Variants in PROSER1 observed in about 807,000 individuals in gnomAD.
The protein encoded by PROSER1 is proline and serine-rich protein 1.
Under a neutral mutation model 71.8 loss-of-function variants are expected in PROSER1, and 36 were observed. The ratio of observed to expected loss-of-function variants is 0.50; its 90% confidence interval spans 0.38 to 0.66. The LOEUF is 0.66. Among genes scored for constraint, PROSER1 ranks in the 30% least tolerant of loss-of-function variants. The pLI, the probability that PROSER1 is intolerant of heterozygous loss-of-function variation, is 0.00. For synonymous variants in PROSER1, 490 were observed against 452.4 expected (o/e 1.08, Z -1.06); for missense variants, 1,107 against 1,135.0 (o/e 0.98, Z 0.35).
chr13:39,031,599 G>C lies in PROSER1; in HGVS notation c.144C>G (p.Ala48=), dbSNP rs377602501. 1.2e-6 allele frequency: 2 copies of C among 1,612,762 alleles called. No individual in the cohort carries two copies. Among genetic ancestry groups the C allele is most frequent in the African/African-American group, 1.3e-5 (1 of 74,768 alleles). The part of the protein sequence containing the change: ...VVDLLRYFSW[A]EPQLKAMKAL... ...CTTTCATTGCCTTCAACTGGGGCTC[G>C]GCCCAGGAAAAATATCTCAGCAAAT... Residue 48 remains alanine (A), a synonymous_variant, in exon 3 of 13, where the codon GCC becomes GCG. Transcript: ENST00000352251.
chr13:39,011,680 G>A (rs1869666949), intron 12 of PROSER1, among the ~76,000 whole-genome samples, 193 bp from the exon 13 acceptor site: 1 of 152,158 alleles, frequency 6.6e-6, no homozygotes, highest in African/African-American at 2.4e-5. Context: ...TGAAGGAGAT[G>A]CATAGAACTG....
rs1300241266 is a variant in PROSER1 at position 39,010,485 on chromosome 13, T to A, written c.*880A>T. On this transcript the variant is annotated 3_prime_UTR_variant, in exon 13 of 13. Coordinates refer to ENST00000352251, the MANE Select transcript of PROSER1 (RefSeq NM_025138.5). ...ACTGCATAATTACTAACAGAGCCAG[T>A]CTTCTCTATTTGTTGTCACATATTT... 1 of 152,644 alleles carries A rather than the reference T, an allele frequency of 6.6e-6. No homozygotes were observed. Among genetic ancestry groups the A allele is most frequent in the Non-Finnish European group, 1.5e-5 (1 of 68,036 alleles). The allele number at this position is 152,644 out of a possible 1,614,324, so 9.5% of individuals were successfully genotyped here.
chr13:39,014,535 G>T, intron 10 of PROSER1, 59 bp from the exon 11 acceptor site: 1 of 1,247,134 alleles, frequency 8.0e-7, no homozygotes. Context: ...GTCAAATTTT[G>T]AATTAAAAAG....
At chr13:39,015,421 C>A (rs1312131610) in intron 10 of PROSER1, among the ~76,000 whole-genome samples, 1 of 152,172 alleles carries the variant, frequency 6.6e-6, no homozygotes, top group Non-Finnish European at 1.5e-5. Flanking sequence ...GTACTCACAT[C>A]AAATTCTGTT....
chr13:39,013,009 A>G lies in PROSER1; in HGVS notation c.2243T>C (p.Leu748Pro), dbSNP rs1333692834. Residue 748 changes from leucine (L) to proline (P), a missense_variant, in exon 11 of 13, where the codon CTC becomes CCC. Coordinates refer to ENST00000352251, the MANE Select transcript of PROSER1 (RefSeq NM_025138.5). ...TGGTGCTGAAGCAGAAAGCCCTGAG[A>G]GAACAGCTGCCGTTGAGCTAGGATG... is the stretch of plus-strand genomic sequence containing the variant. ...LPHPSSTAAV[L>P]SGLSASAPVS... is the part of the protein sequence containing the mutation. 1 of 1,614,140 alleles carries G rather than the reference A, an allele frequency of 6.2e-7. No homozygotes were observed. Among genetic ancestry groups the G allele is most frequent in the Non-Finnish European group, 8.5e-7 (1 of 1,179,992 alleles).
chr13:39,024,286 C>T (rs1326405), intron 7 of PROSER1, among the ~76,000 whole-genome samples, 187 bp downstream of exon 7: 26,092 of 152,052 alleles, frequency 0.17, 2,994 homozygotes, highest in African/African-American at 0.33. Context: ...ATAAAAAGCT[C>T]AATCTCAAAG....
At position 39,013,185 on chromosome 13, in the gene PROSER1, G is replaced by T. The variant is rs774206235; in HGVS notation, c.2067C>A (p.Pro689=). 2.5e-6 allele frequency: 4 copies of T among 1,613,940 alleles called. No individual in the cohort carries two copies. Among genetic ancestry groups the T allele is most frequent in the Middle Eastern group, 1.6e-4 (1 of 6,084 alleles). The change falls in exon 11 of 13, where the codon CCC becomes CCA. Residue 689 remains proline (P), a synonymous_variant. Transcript: ENST00000352251. ...GAAGAGCAGTGAATACTGGTGCAAT[G>T]GGAGTGGAGGAACCATGTGGTGGAA... is the stretch of plus-strand genomic sequence containing the variant. ...ISLPPHGSST[P]IAPVFTALPS...
At chr13:39,019,046 A>G (rs1265762376) in intron 9 of PROSER1, among the ~76,000 whole-genome samples, 1 of 152,200 alleles carries the variant, frequency 6.6e-6, no homozygotes, top group Non-Finnish European at 1.5e-5. Context: ...GTAATTTCTT[A>G]CACGTCATTT....
Position 39,011,324 on chromosome 13 carries a change from A to C in PROSER1, c.*41T>G. ...GATTGTTCATTGCAGTTCTCAGGCA[A>C]TTCTGATGTTGCTCTGAAGGAGAAT... On this transcript the variant is annotated 3_prime_UTR_variant, in exon 13 of 13. Coordinates refer to ENST00000352251, the MANE Select transcript of PROSER1 (RefSeq NM_025138.5). 2 of 1,606,692 alleles carry C rather than the reference A, an allele frequency of 1.2e-6. No homozygotes were observed. The highest frequency in any genetic ancestry group is 1.7e-6 in the Non-Finnish European group (2 of 1,174,700).
chr13:39,031,924 A>G (rs1277994743), intron 2 of PROSER1, among the ~76,000 whole-genome samples: 2 of 152,236 alleles, frequency 1.3e-5, no homozygotes, highest in Non-Finnish European at 2.9e-5. Flanking sequence ...CAGATAGAGA[A>G]CATTTCTACC....
At position 39,014,061 on chromosome 13, in the gene PROSER1, A is replaced by G. The variant is rs1349269434; in HGVS notation, c.1191T>C (p.Ala397=). The part of the protein sequence containing the change: ...RSTLGSSEAF[A]STSAPFTSLP... ...GGCTAGTGAAAGGTGCAGAAGTAGA[A>G]GCAAATGCTTCACTGGAACCAAGAG... Residue 397 remains alanine (A), a synonymous_variant, in exon 11 of 13, where the codon GCT becomes GCC. Coordinates refer to ENST00000352251, the MANE Select transcript of PROSER1 (RefSeq NM_025138.5). 5 of 1,614,214 alleles carry G rather than the reference A, an allele frequency of 3.1e-6. No homozygotes were observed. Among genetic ancestry groups the G allele is most frequent in the Non-Finnish European group, 4.2e-6 (5 of 1,180,034 alleles).
intron 12 of PROSER1, among the ~76,000 whole-genome samples, chr13:39,011,754 G>C (rs988372209): frequency 2.0e-5 from 3 of 152,062 alleles, no homozygotes; most frequent in African/African-American, 7.2e-5. Flanking sequence ...GTGCTTTAAC[G>C]GTCAATCATT....
chr13:39,036,881 A>G (rs906740135), intron 1 of PROSER1, among the ~76,000 whole-genome samples: 1 of 152,212 alleles, frequency 6.6e-6, no homozygotes, highest in Non-Finnish European at 1.5e-5. Flanking sequence ...GAGGCAATAA[A>G]CTCAAAAATA....
At chr13:39,020,497 A>G (rs552933623) in intron 9 of PROSER1, among the ~76,000 whole-genome samples, 2 of 152,298 alleles carry the variant, frequency 1.3e-5, no homozygotes, top group South Asian at 4.1e-4. Context: ...ACATTAGAAC[A>G]CACTACAAAT....
chr13:39,037,596 G>A lies in PROSER1; in HGVS notation c.-354C>T, dbSNP rs1302480838. On this transcript the variant is annotated 5_prime_UTR_variant, in exon 1 of 13. Coordinates refer to ENST00000352251, the MANE Select transcript of PROSER1 (RefSeq NM_025138.5). ...GAGTGCGGTTTCCCTGCAGCTGAGG[G>A]CCAGGTGCCGCCAGAGGTAGCTCTT... 1.0e-5 allele frequency: 2 copies of A among 200,204 alleles called. No homozygotes were observed. Among genetic ancestry groups the A allele is most frequent in the African/African-American group, 2.3e-5 (1 of 42,890 alleles). 12.4% of individuals were successfully genotyped at this position (200,204 alleles called of 1,614,324 possible). A position where few individuals can be genotyped will look rare whatever the true frequency, so the allele number is the denominator to read the frequency against.
intron 9 of PROSER1, among the ~76,000 whole-genome samples, chr13:39,019,262 G>A (rs868127123): frequency 3.3e-5 from 5 of 151,572 alleles, no homozygotes; most frequent in Middle Eastern, 3.2e-3. Flanking sequence ...AGAACTTTGG[G>A]AGGCCGAGGT....
At chr13:39,026,851 C>T (rs991748976) in intron 5 of PROSER1, among the ~76,000 whole-genome samples, 1 of 152,102 alleles carries the variant, frequency 6.6e-6, no homozygotes, top group Non-Finnish European at 1.5e-5. Flanking sequence ...CAAAGACCTA[C>T]ATACCGTTCA....
intron 3 of PROSER1, among the ~76,000 whole-genome samples, chr13:39,029,827 C>T (rs1191033581): frequency 6.6e-6 from 1 of 152,134 alleles, no homozygotes; most frequent in Non-Finnish European, 1.5e-5. Flanking sequence ...AAAAAGGTTA[C>T]ACTAGCCATA....
At chr13:39,018,613 A>G (rs1870131892) in intron 9 of PROSER1, among the ~76,000 whole-genome samples, 1 of 152,106 alleles carries the variant, frequency 6.6e-6, no homozygotes, top group African/African-American at 2.4e-5. Context: ...AAAATGACTA[A>G]AAGTTAAACT....
Sources: allele counts gnomAD v4.1 joint callset (sites outside exome capture counted in the v4.1 genomes callset), GRCh38; gene constraint gnomAD v4.1.1; transcripts MANE v1.5; gene names NCBI Gene and HGNC (gene_info 2026-07-23, HGNC 2026-07-21).